The following TENM3 variants were observed in gnomAD, a reference collection of about 807,000 sequenced individuals.
The protein encoded by TENM3 is teneurin-3.
Under a neutral mutation model 255.1 loss-of-function variants are expected in TENM3, and 63 were observed. The observed-to-expected ratio is 0.25, with a 90% CI of 0.20 to 0.30. The LOEUF is 0.30. TENM3 is among the 10% of genes least tolerant of loss of function. The pLI is 1.00. For missense variants in TENM3, 2,929 were observed against 3,461.1 expected, an observed-to-expected ratio of 0.85 and a Z score of 3.86; for synonymous variants, 1,306 against 1,322.3, an observed-to-expected ratio of 0.99 and a Z score of 0.27.
At chr4:181,694,850 T>C in the TENM3 span, among the ~76,000 whole-genome samples, 1 of 152,232 alleles carries the variant, frequency 6.6e-6, no homozygotes, top group Non-Finnish European at 1.5e-5. Flanking sequence ...TTTAAGACTC[T>C]GCTATCCTAG....
the TENM3 span, among the ~76,000 whole-genome samples, chr4:182,137,340 C>G: frequency 0.41 from 61,277 of 150,590 alleles, 12,428 homozygotes; most frequent in East Asian, 0.49. Context: ...ACCTCCCCCC[C>G]CCCAAAAAGG....
chr4:181,544,144 A>C, the TENM3 span, among the ~76,000 whole-genome samples: 12 of 152,226 alleles, frequency 7.9e-5, no homozygotes, highest in Non-Finnish European at 1.3e-4. Flanking sequence ...ATAATACTTC[A>C]AGAATTGACT....
chr4:182,015,314 T>C, the TENM3 span, among the ~76,000 whole-genome samples: 1 of 152,164 alleles, frequency 6.6e-6, no homozygotes, highest in African/African-American at 2.4e-5. Flanking sequence ...GGCAGCCAGG[T>C]GGTCATACAG....
chr4:181,581,005 A>C, the TENM3 span, among the ~76,000 whole-genome samples: 1 of 152,210 alleles, frequency 6.6e-6, no homozygotes, highest in East Asian at 1.9e-4. Flanking sequence ...TTGAAAGCCC[A>C]GGGCATACAA....
chr4:182,473,671 T>TA (rs112020923), intron 3 of TENM3, among the ~76,000 whole-genome samples: 7 of 148,824 alleles, frequency 4.7e-5, no homozygotes, highest in Non-Finnish European at 7.4e-5. Context: ...AGACTTCATC[T>TA]AAAAAAAAAT....
At chr4:182,588,200 C>T (rs1305336744) in intron 3 of TENM3, among the ~76,000 whole-genome samples, 1 of 152,150 alleles carries the variant, frequency 6.6e-6, no homozygotes, top group Non-Finnish European at 1.5e-5. Context: ...CTGCTCTCCC[C>T]TCAGAAGTTA....
intron 1 of TENM3, among the ~76,000 whole-genome samples, chr4:182,219,060 A>G (rs1298649778): frequency 6.6e-6 from 1 of 152,100 alleles, no homozygotes; most frequent in East Asian, 1.9e-4. Context: ...TGTCTCTACT[A>G]AAAATACAAA....
At chr4:181,976,212 C>A in the TENM3 span, 1 of 152,320 alleles carries the variant, frequency 6.6e-6, no homozygotes, top group Non-Finnish European at 1.5e-5. Context: ...CTCCACCTCC[C>A]AGGTTCAAGC....
At chr4:181,674,100 A>G in the TENM3 span, among the ~76,000 whole-genome samples, 1 of 152,144 alleles carries the variant, frequency 6.6e-6, no homozygotes, top group Non-Finnish European at 1.5e-5. Context: ...GGCTCAAGCC[A>G]TCATCTCACC....
chr4:182,323,320 G>T (rs577551498), intron 1 of TENM3, among the ~76,000 whole-genome samples: 33 of 151,950 alleles, frequency 2.2e-4, no homozygotes, highest in African/African-American at 7.5e-4. Context: ...AAGCAGAATG[G>T]TATGGGGAGG....
At chr4:182,027,207 A>G in the TENM3 span, among the ~76,000 whole-genome samples, 7 of 152,106 alleles carry the variant, frequency 4.6e-5, no homozygotes, top group Admixed American at 4.6e-4. Context: ...GGCTATTGTA[A>G]ATGGGATTAC....
At chr4:181,590,102 A>G in the TENM3 span, among the ~76,000 whole-genome samples, 8 of 152,206 alleles carry the variant, frequency 5.3e-5, no homozygotes, top group Non-Finnish European at 1.2e-4. Flanking sequence ...AAGTATAAAG[A>G]GATCATTTTT....
chr4:182,450,389 ATTG>A (rs1306559159), intron 3 of TENM3, among the ~76,000 whole-genome samples: 1 of 151,960 alleles, frequency 6.6e-6, no homozygotes, highest in East Asian at 1.9e-4. Flanking sequence ...TGTGCCCCAC[ATTG>A]TTTTGTTTTT....
chr4:181,888,536 GTATATATATA>G, the TENM3 span, among the ~76,000 whole-genome samples: 38 of 69,796 alleles, frequency 5.4e-4, 1 homozygote, highest in African/African-American at 2.3e-3. Context: ...ACATATATGT[GTATATATATA>G]TATGTATATA....
chr4:182,168,874 A>C (rs187664578), intron 1 of TENM3, among the ~76,000 whole-genome samples: 21 of 152,198 alleles, frequency 1.4e-4, no homozygotes, highest in African/African-American at 4.8e-4. Flanking sequence ...CTTCTGAAAA[A>C]AATTCATGTA....
chr4:181,546,358 T>G, the TENM3 span, among the ~76,000 whole-genome samples: 1 of 152,318 alleles, frequency 6.6e-6, no homozygotes, highest in South Asian at 2.1e-4. Flanking sequence ...ATTCTTCTGA[T>G]TAATTTACCA....
the TENM3 span, among the ~76,000 whole-genome samples, chr4:181,912,788 G>T: frequency 2.1e-5 from 3 of 144,656 alleles, no homozygotes; most frequent in African/African-American, 7.8e-5. Context: ...AAAAAAAAAA[G>T]ATTGTTGCAG....
At chr4:181,800,970 C>G in the TENM3 span, among the ~76,000 whole-genome samples, 1 of 152,140 alleles carries the variant, frequency 6.6e-6, no homozygotes, top group South Asian at 2.1e-4. Context: ...AGTATAACTG[C>G]TGGCAAAGAA....
At chr4:182,435,204 T>C (rs1384184163) in intron 3 of TENM3, among the ~76,000 whole-genome samples, 1 of 152,110 alleles carries the variant, frequency 6.6e-6, no homozygotes, top group Non-Finnish European at 1.5e-5. Context: ...GAAGTTACGG[T>C]TTTGTTCAGT....
Sources: allele counts gnomAD v4.1 joint callset (sites outside exome capture counted in the v4.1 genomes callset), GRCh38; gene constraint gnomAD v4.1.1; transcripts MANE v1.5; gene names NCBI Gene and HGNC (gene_info 2026-07-23, HGNC 2026-07-21).